DCAF5: variants seen among roughly 807,000 people sequenced by gnomAD.
DCAF5 encodes the protein DDB1- and CUL4-associated factor 5.
In DCAF5, 9 loss-of-function variants were observed where a neutral mutation model predicts 80.7. The ratio of observed to expected loss-of-function variants is 0.11; its 90% CI spans 0.07 to 0.19. DCAF5 has a LOEUF of 0.19. Ranked by LOEUF, DCAF5 falls within the 10% of genes least tolerant of loss-of-function variation. The probability of loss-of-function intolerance (pLI) is 1.00; values close to 1 mark genes in which losing one functional copy is unlikely to be tolerated. For missense variants in DCAF5, 842 were observed against 1,205.7 expected, an observed-to-expected ratio of 0.70 and a Z score of 4.47; for synonymous variants, 433 against 461.9, an observed-to-expected ratio of 0.94 and a Z score of 0.80.
In DCAF5 at chr14:69,118,242, T is replaced by G; in HGVS notation, c.432A>C (p.Ala144=). 1.2e-6 allele frequency: 2 copies of G among 1,613,828 alleles called. No homozygotes were observed. The highest frequency in any genetic ancestry group is 1.7e-6 in the Non-Finnish European group (2 of 1,179,838). The change falls in exon 4 of 9, where the codon GCA becomes GCC. Residue 144 remains alanine, a synonymous_variant. Transcript: ENST00000341516. This position sits in a 1 kb window ranked among gnomAD's most constrained non-coding sequence, Gnocchi z 4.0. The part of the protein sequence containing the change: ...ETLDVFAHED[A]VYGLSVSPVN... ...CTGGGCTCACAGACAAGCCATATAC[T>G]GCATCTTCATGAGCAAACACGTCCA...
chr14:69,152,637 AC>A lies in DCAF5; in HGVS notation c.214+127del. 1.5e-6 allele frequency: 1 copy of A among 670,366 alleles called. No homozygotes were observed. The highest frequency in any genetic ancestry group is 2.5e-6 in the Non-Finnish European group (1 of 403,814). The allele number at this position is 670,366 out of a possible 1,614,324, so 41.5% of individuals were successfully genotyped here. On this transcript the variant is annotated intron_variant, in intron 1 of 8. Coordinates refer to ENST00000341516, the MANE Select transcript of DCAF5 (RefSeq NM_003861.3). The surrounding 1 kb of genome is among the most constrained non-coding windows in gnomAD (Gnocchi z 4.1). ...TTTTAATTTGACACCAAACCTTCCC[AC>A]CGCAGAAGGGGGTAGAGAAAGGGAG... is the stretch of plus-strand genomic sequence containing the variant.
In DCAF5 at chr14:69,118,363, A is replaced by G. The variant is rs189427761; in HGVS notation, c.396-85T>C. Reference sequence around the variant, plus strand: ...CCAGCACTTTGGTACCGAGGGTGCCATCTTTTCCATTTCTAGAAGAAAGTC... The same window carrying G: ...CCAGCACTTTGGTACCGAGGGTGCCGTCTTTTCCATTTCTAGAAGAAAGTC... On this transcript the variant is annotated intron_variant, in intron 3 of 8. Coordinates refer to ENST00000341516, the MANE Select transcript of DCAF5 (RefSeq NM_003861.3). This position sits in a 1 kb window ranked among gnomAD's most constrained non-coding sequence, Gnocchi z 4.0. 38 of 1,385,400 alleles carry G rather than the reference A, an allele frequency of 2.7e-5. No homozygotes were observed. Among genetic ancestry groups the G allele is most frequent in the Admixed American group, 2.7e-4 (12 of 43,776 alleles). The allele number at this position is 1,385,400 out of a possible 1,614,324, so 85.8% of individuals were successfully genotyped here.
At chr14:69,142,127 T>C (rs10135187) in intron 1 of DCAF5, among the ~76,000 whole-genome samples, 9,853 of 152,080 alleles carry the variant, frequency 0.065, 1,065 homozygotes, top group African/African-American at 0.23. Context: ...AGATCCTGTC[T>C]CTACAAAAAA....
At chr14:69,066,648 G>C (rs1047261739) in intron 7 of DCAF5, among the ~76,000 whole-genome samples, 6 of 152,102 alleles carry the variant, frequency 3.9e-5, no homozygotes, top group African/African-American at 1.4e-4. Flanking sequence ...GGATCCCAGG[G>C]GAAAACACCT....
chr14:69,123,368 C>T, intron 1 of DCAF5, among the ~76,000 whole-genome samples: 1 of 152,018 alleles, frequency 6.6e-6, no homozygotes, highest in South Asian at 2.1e-4. Flanking sequence ...TATGCTTATA[C>T]TCGCATATCT....
At chr14:69,139,428 A>G (rs1438086655) in intron 1 of DCAF5, among the ~76,000 whole-genome samples, 2 of 152,104 alleles carry the variant, frequency 1.3e-5, no homozygotes, top group Non-Finnish European at 2.9e-5. Flanking sequence ...TAAGCTTAGG[A>G]GGTCGAAGCT....
chr14:69,084,767 C>A, intron 6 of DCAF5: 1 of 1,127,056 alleles, frequency 8.9e-7, no homozygotes, highest in South Asian at 1.4e-5. Context: ...GCAAAATAAG[C>A]ATACGACCAC....
At chr14:69,099,267 C>CACACAT (rs969876367) in intron 5 of DCAF5, among the ~76,000 whole-genome samples, 1 of 149,328 alleles carries the variant, frequency 6.7e-6, no homozygotes, top group African/African-American at 2.5e-5. Flanking sequence ...CACACACACA[C>CACACAT]ACACACACAC....
chr14:69,137,576 A>C (rs2140105988), intron 1 of DCAF5, among the ~76,000 whole-genome samples: 1 of 152,198 alleles, frequency 6.6e-6, no homozygotes, highest in East Asian at 1.9e-4. Flanking sequence ...GAATCAGTGA[A>C]GGCCCTAACA....
intron 7 of DCAF5, among the ~76,000 whole-genome samples, chr14:69,072,337 T>C (rs1258331247): frequency 6.6e-6 from 1 of 152,044 alleles, no homozygotes; most frequent in Non-Finnish European, 1.5e-5. Context: ...TTAAAAATTA[T>C]ATAGCTGTAT....
chr14:69,153,083 G>T lies in DCAF5; in HGVS notation c.-105C>A. 1.1e-6 allele frequency: 1 copy of T among 941,862 alleles called. No individual in the cohort carries two copies. The highest frequency in any genetic ancestry group is 2.1e-5 in the South Asian group (1 of 48,352). 58.3% of individuals were successfully genotyped at this position (941,862 alleles called of 1,614,324 possible). A position where few individuals can be genotyped will look rare whatever the true frequency, so the allele number is the denominator to read the frequency against. On this transcript the variant is annotated 5_prime_UTR_variant, in exon 1 of 9. Transcript: ENST00000341516. ...CCTCCCCCCGCGCTGCGATCCGGAT[G>T]GTTCTTTAACCAGCCATGGCAGGCA...
chr14:69,118,329 T>A lies in DCAF5; in HGVS notation c.396-51A>T. On this transcript the variant is annotated intron_variant, in intron 3 of 8. Transcript: ENST00000341516. This position sits in a 1 kb window ranked among gnomAD's most constrained non-coding sequence, Gnocchi z 4.0. Reference sequence around the variant, plus strand: ...GGCACACACATACACACAAGCATAGTGCAGAGTCCCAGCACTTTGGTACCG... The same window carrying A: ...GGCACACACATACACACAAGCATAGAGCAGAGTCCCAGCACTTTGGTACCG... 1.3e-6 allele frequency: 2 copies of A among 1,578,400 alleles called. No homozygotes were observed. Among genetic ancestry groups the A allele is most frequent in the Non-Finnish European group, 1.7e-6 (2 of 1,155,798 alleles).
chr14:69,146,531 G>A (rs1009562305), intron 1 of DCAF5, among the ~76,000 whole-genome samples: 1 of 151,932 alleles, frequency 6.6e-6, no homozygotes. Flanking sequence ...AAATCTCACA[G>A]GCAAGAGCAT....
At chr14:69,071,987 G>T (rs1327027324) in intron 7 of DCAF5, among the ~76,000 whole-genome samples, 2 of 152,190 alleles carry the variant, frequency 1.3e-5, no homozygotes, top group East Asian at 3.8e-4. Context: ...GCAGAAGTCT[G>T]GGGGTTGCCA....
At chr14:69,083,605 G>A in intron 6 of DCAF5, 1 of 522,566 alleles carries the variant, frequency 1.9e-6, no homozygotes, top group South Asian at 1.8e-5. Flanking sequence ...TGCTCAAAAT[G>A]GAGATGTGTC....
In DCAF5 at chr14:69,152,775, C is replaced by G; in HGVS notation, c.204G>C (p.Trp68Cys). The G allele has an allele frequency of 6.2e-7, 1 of 1,613,596 alleles. No homozygotes were observed. Among genetic ancestry groups the G allele is most frequent in the Non-Finnish European group, 8.5e-7 (1 of 1,179,846 alleles). ...AGGGGGTTGATTTACCTGAGACCAGCCACTGGCCTCCATTGTTGGAGAATT... is the reference window on the plus strand; with the variant it reads ...AGGGGGTTGATTTACCTGAGACCAGGCACTGGCCTCCATTGTTGGAGAATT... ...AIEFSNNGGQWLVSGGDDRRV... is the reference protein window; with the variant it reads ...AIEFSNNGGQCLVSGGDDRRV... The change falls in exon 1 of 9, where the codon TGG becomes TGC. Residue 68 changes from tryptophan to cysteine, a missense_variant. Coordinates refer to ENST00000341516, the MANE Select transcript of DCAF5 (RefSeq NM_003861.3). This position sits in a 1 kb window ranked among gnomAD's most constrained non-coding sequence, Gnocchi z 4.1.
At chr14:69,114,189 A>G (rs1292319104) in intron 5 of DCAF5, among the ~76,000 whole-genome samples, 1 of 152,208 alleles carries the variant, frequency 6.6e-6, no homozygotes, top group East Asian at 1.9e-4. Context: ...GTTTCTATCA[A>G]AAGTTTAAAA....
chr14:69,112,250 G>A (rs1366305795), intron 5 of DCAF5, among the ~76,000 whole-genome samples: 1 of 152,112 alleles, frequency 6.6e-6, no homozygotes, highest in East Asian at 1.9e-4. Flanking sequence ...AAGGTAAGAA[G>A]TTTGAACAGG....
chr14:69,151,816 G>A (rs1196900526), intron 1 of DCAF5, among the ~76,000 whole-genome samples: 1 of 152,138 alleles, frequency 6.6e-6, no homozygotes, highest in African/African-American at 2.4e-5. Flanking sequence ...TCAGCTGCCT[G>A]TCGCTAGGAG....
Sources: gnomAD v4.1 joint callset for allele counts (sites outside exome capture counted in the v4.1 genomes callset) on GRCh38, gnomAD v4.1.1 for gene constraint, Gnocchi (gnomAD v3.1) non-coding constraint, MANE v1.5 for transcripts, NCBI Gene and HGNC (gene_info 2026-07-23, HGNC 2026-07-21) for gene names.